BCAT1: variants seen among roughly 807,000 people sequenced by gnomAD.
The protein encoded by BCAT1 is branched-chain-amino-acid aminotransferase, cytosolic.
Under a neutral mutation model 52.4 loss-of-function variants are expected in BCAT1, and 48 were observed. The ratio of observed to expected loss-of-function variants is 0.92; its 90% CI spans 0.73 to 1.16. BCAT1 has a LOEUF of 1.16. Ranked by LOEUF, BCAT1 falls within the 50% of genes most tolerant of loss-of-function variation. BCAT1 has a pLI of 0.00. For synonymous variants in BCAT1, 167 were observed against 161.3 expected (o/e 1.04, Z -0.27); for missense variants, 451 against 457.1 (o/e 0.99, Z 0.12).
At chr12:24,902,700 C>T in intron 1 of BCAT1, 1 of 561,528 alleles carries the variant, frequency 1.8e-6, no homozygotes, top group South Asian at 2.7e-5. Context: ...CGCTCCGGAG[C>T]GGGTTACCCA....
chr12:24,906,082 A>G (rs568420131), intron 1 of BCAT1, among the ~76,000 whole-genome samples: 30 of 151,836 alleles, frequency 2.0e-4, no homozygotes, highest in African/African-American at 7.2e-4. Flanking sequence ...CCAGCTACTC[A>G]CGGGATTAAG....
chr12:24,832,421 C>T (rs985865460), intron 9 of BCAT1, among the ~76,000 whole-genome samples: 2 of 152,042 alleles, frequency 1.3e-5, no homozygotes, highest in Admixed American at 6.6e-5. Context: ...CAAAAAAGAC[C>T]TAGCATGGTG....
intron 1 of BCAT1, among the ~76,000 whole-genome samples, chr12:24,925,548 T>G (rs1943565397): frequency 6.6e-6 from 1 of 152,126 alleles, no homozygotes; most frequent in African/African-American, 2.4e-5. Flanking sequence ...GTTTGGAAAT[T>G]GCTAAATAAA....
At chr12:24,919,017 A>G (rs1051217783) in intron 1 of BCAT1, among the ~76,000 whole-genome samples, 4 of 152,160 alleles carry the variant, frequency 2.6e-5, no homozygotes, top group African/African-American at 9.7e-5. Flanking sequence ...ATAAATATCT[A>G]CTCAATAAAT....
chr12:24,925,405 A>G (rs1943563279), intron 1 of BCAT1, among the ~76,000 whole-genome samples: 1 of 152,174 alleles, frequency 6.6e-6, no homozygotes, highest in South Asian at 2.1e-4. Context: ...TCCTTAAAAT[A>G]AATCTCTCTC....
intron 1 of BCAT1, among the ~76,000 whole-genome samples, chr12:24,946,518 CTAT>C (rs1293401044): frequency 1.2e-4 from 18 of 152,248 alleles, no homozygotes; most frequent in African/African-American, 4.3e-4. Context: ...ACTATATAAA[CTAT>C]TGATAGGCTA....
intron 5 of BCAT1, among the ~76,000 whole-genome samples, chr12:24,875,127 T>C (rs1333384214): frequency 6.6e-6 from 1 of 152,018 alleles, no homozygotes; most frequent in Non-Finnish European, 1.5e-5. Flanking sequence ...AAGCTAGTCA[T>C]CTCTGATGAA....
At chr12:24,943,585 G>A (rs1455598454) in intron 1 of BCAT1, among the ~76,000 whole-genome samples, 1 of 151,360 alleles carries the variant, frequency 6.6e-6, no homozygotes, top group African/African-American at 2.4e-5. Context: ...AATAGACTAG[G>A]AGTCTGTCTA....
intron 5 of BCAT1, among the ~76,000 whole-genome samples, chr12:24,852,130 G>A (rs910165236): frequency 1.3e-5 from 2 of 152,136 alleles, no homozygotes; most frequent in African/African-American, 2.4e-5. Flanking sequence ...CCATGAGAAG[G>A]TCCTTGCTTC....
In BCAT1 at chr12:24,831,842, T is replaced by A. The variant is rs192394827; in HGVS notation, c.1044+881A>T. On this transcript the variant is annotated intron_variant, in intron 9 of 10. Transcript: ENST00000261192. ...ATGTTAATCATAAGTATTGGAGCTT[T>A]GTTATAAAGTGAAAAGCAAAACAAT... 1.7e-4 allele frequency among the ~76,000 whole-genome samples: 26 copies of A among 152,358 alleles called. No homozygotes were observed. The East Asian group carries it at 5.0e-3, about 29-fold the overall frequency.
intron 3 of BCAT1, among the ~76,000 whole-genome samples, chr12:24,888,779 C>T (rs550535670): frequency 6.6e-6 from 1 of 152,180 alleles, no homozygotes; most frequent in South Asian, 2.1e-4. Context: ...TACAAGAGTC[C>T]TCAGTAAGGT....
chr12:24,906,414 G>A (rs1180936352), intron 1 of BCAT1, among the ~76,000 whole-genome samples: 1 of 152,134 alleles, frequency 6.6e-6, no homozygotes, highest in Non-Finnish European at 1.5e-5. Context: ...CCTGTCTGAA[G>A]CTCAGAGAAG....
At position 24,890,628 on chromosome 12, in the gene BCAT1, G is replaced by A. The variant is rs79245041; in HGVS notation, c.279+3647C>T. Among the ~76,000 whole-genome samples the A allele has an allele frequency of 7.5e-3, 1,139 of 152,248 alleles. 9 individuals are homozygous for A. Among genetic ancestry groups the A allele is most frequent in the African/African-American group, 0.027 (1,101 of 41,522 alleles). ...ACAATTTACAGAGGCCATGGCAATG[G>A]TGGGAAGTTAACCTACAAGGTCTAA... On this transcript the variant is annotated intron_variant, in intron 3 of 10. Coordinates refer to ENST00000261192, the MANE Select transcript of BCAT1 (RefSeq NM_005504.7).
intron 3 of BCAT1, among the ~76,000 whole-genome samples, chr12:24,889,474 G>A (rs995957091): frequency 6.6e-6 from 1 of 152,214 alleles, no homozygotes; most frequent in African/African-American, 2.4e-5. Flanking sequence ...ATCAAGAAGT[G>A]GAGTGCTTTT....
chr12:24,842,164 G>T lies in BCAT1; in HGVS notation c.735C>A (p.Val245=). The T allele has an allele frequency of 6.2e-7, 1 of 1,613,716 alleles. No individual in the cohort carries two copies. The highest frequency in any genetic ancestry group is 8.5e-7 in the Non-Finnish European group (1 of 1,179,646). The stretch of plus-strand genomic sequence containing the variant: ...GATGGTCCTCTCCATAGAGCCACAG[G>T]ACCTGCTGACACCCATTATCTACTG... ...CEAVDNGCQQ[V]LWLYGEDHQI... The change falls in exon 7 of 11, where the codon GTC becomes GTA. Residue 245 remains valine, a synonymous_variant. Coordinates refer to ENST00000261192, the MANE Select transcript of BCAT1 (RefSeq NM_005504.7).
rs1019965404 is a variant in BCAT1 at position 24,913,951 on chromosome 12, T to C, written c.7-12066A>G. ...TGGTTGGCTTTGGGGAAAAGGGGTT[T>C]TGTTTCTATGGCCCACTTTGGGGAA... On this transcript the variant is annotated intron_variant, in intron 1 of 10. Coordinates refer to ENST00000261192, the MANE Select transcript of BCAT1 (RefSeq NM_005504.7). Among the ~76,000 whole-genome samples the C allele has an allele frequency of 6.6e-5, 10 of 152,258 alleles. No individual in the cohort carries two copies. In the South Asian group the frequency reaches 2.1e-3, roughly 32 times the overall value.
intron 1 of BCAT1, among the ~76,000 whole-genome samples, chr12:24,934,013 A>T (rs1943717988): frequency 6.6e-6 from 1 of 152,114 alleles, no homozygotes. Context: ...CTTGGCTGGC[A>T]GAGAAGGGAA....
At chr12:24,921,690 AAC>A (rs1943502158) in intron 1 of BCAT1, among the ~76,000 whole-genome samples, 1 of 152,220 alleles carries the variant, frequency 6.6e-6, no homozygotes, top group South Asian at 2.1e-4. Context: ...GACAAGGAAC[AAC>A]AGTTATAGAA....
intron 6 of BCAT1, among the ~76,000 whole-genome samples, chr12:24,847,055 A>C (rs983103480): frequency 6.6e-6 from 1 of 152,232 alleles, no homozygotes; most frequent in South Asian, 2.1e-4. Flanking sequence ...AGAGCTTTCT[A>C]TATGCCAAGT....
Sources: gnomAD v4.1 joint callset for allele counts (sites outside exome capture counted in the v4.1 genomes callset) on GRCh38, gnomAD v4.1.1 for gene constraint, MANE v1.5 for transcripts, NCBI Gene and HGNC (gene_info 2026-07-23, HGNC 2026-07-21) for gene names.